CHRDL1: variants seen among roughly 807,000 people sequenced by gnomAD.
The protein encoded by CHRDL1 is chordin like 1.
A neutral mutation model predicts 40.9 loss-of-function variants in CHRDL1; 19 were observed. The observed-to-expected ratio is 0.46, with a 90% confidence interval of 0.32 to 0.68. The LOEUF (loss-of-function observed/expected upper bound fraction) is 0.68, where lower values mean the gene tolerates loss of function less well. CHRDL1 is among the 30% of genes least tolerant of loss of function. The pLI is 0.03. For missense variants in CHRDL1, 329 were observed against 352.1 expected (o/e 0.93, Z 0.53); for synonymous variants, 136 against 123.4 (o/e 1.10, Z -0.68).
chrX:110,686,767 C>T (rs1239259884), intron 9 of CHRDL1, among the ~76,000 whole-genome samples: 4 of 108,467 alleles, frequency 3.7e-5, no homozygotes, highest in East Asian at 2.9e-4. Context: ...GTCCCAGCTA[C>T]TCGGGAGGCT....
Position 110,721,524 on chromosome X carries a change from G to A in CHRDL1, c.308C>T (p.Ser103Phe). The change falls in exon 5 of 12, where the codon TCC (serine) becomes TTC (phenylalanine). Residue 103 changes from serine (S) to phenylalanine (F), a missense_variant. Physicochemically the swap from Ser to Phe is radical, Grantham distance 155 (BLOSUM62 -2). Coordinates refer to ENST00000372042, the MANE Select transcript of CHRDL1 (RefSeq NM_001143981.2). ...HLCCPRCPED[S>F]LPPVNNKVTS... The stretch of plus-strand genomic sequence containing the variant: ...CACCTTATTGTTCACTGGGGGTAAG[G>A]AGTCTTCTAGAACAGGGTGGAGAAA... The A allele has an allele frequency of 8.3e-7, 1 of 1,206,502 alleles. No individual in the cohort carries two copies. The highest frequency in any genetic ancestry group is 3.0e-5 in the East Asian group (1 of 33,831).
At chrX:110,755,189 C>T (rs1299192973) in intron 4 of CHRDL1, among the ~76,000 whole-genome samples, 5 of 111,071 alleles carry the variant, frequency 4.5e-5, no homozygotes, top group Admixed American at 1.9e-4. Context: ...CTTGACTTTT[C>T]CATTAAGAAT....
intron 4 of CHRDL1, among the ~76,000 whole-genome samples, chrX:110,753,912 G>A (rs766881423): frequency 3.8e-4 from 43 of 112,273 alleles, no homozygotes; most frequent in African/African-American, 1.3e-3. Flanking sequence ...TAACACAAGT[G>A]GTTCATATGT....
intron 7 of CHRDL1, among the ~76,000 whole-genome samples, chrX:110,697,847 CA>C (rs1343121443): frequency 3.1e-5 from 3 of 97,362 alleles, no homozygotes; most frequent in South Asian, 4.7e-4. Context: ...CACACACACA[CA>C]CACACACACA....
At chrX:110,730,457 A>G (rs752010885) in intron 4 of CHRDL1, among the ~76,000 whole-genome samples, 2 of 111,544 alleles carry the variant, frequency 1.8e-5, no homozygotes, top group East Asian at 5.6e-4. Context: ...CTTATTGAGC[A>G]CCCCAGACAG....
intron 2 of CHRDL1, among the ~76,000 whole-genome samples, chrX:110,788,864 A>G (rs1184169191): frequency 1.8e-5 from 2 of 111,871 alleles, no homozygotes; most frequent in Non-Finnish European, 3.8e-5. Context: ...CATACCATAC[A>G]GGAATATAAA....
At chrX:110,734,902 C>T (rs886887332) in intron 4 of CHRDL1, among the ~76,000 whole-genome samples, 2 of 111,792 alleles carry the variant, frequency 1.8e-5, no homozygotes, top group Admixed American at 9.5e-5. Context: ...TGATTCTTCA[C>T]GATGCCTCAT....
chrX:110,703,746 A>G (rs1487463168), intron 6 of CHRDL1, among the ~76,000 whole-genome samples: 5 of 112,209 alleles, frequency 4.5e-5, no homozygotes, highest in Non-Finnish European at 1.9e-5. Flanking sequence ...TTCCTGAAAG[A>G]ACCATTAAGT....
At chrX:110,714,534 C>T (rs2070805729) in intron 6 of CHRDL1, among the ~76,000 whole-genome samples, 1 of 111,407 alleles carries the variant, frequency 9.0e-6, no homozygotes, top group East Asian at 2.8e-4. Context: ...CCTTAAGGTT[C>T]CAGTGGCTGT....
intron 4 of CHRDL1, among the ~76,000 whole-genome samples, chrX:110,735,319 A>T (rs1446681385): frequency 8.9e-6 from 1 of 112,263 alleles, no homozygotes; most frequent in African/African-American, 3.2e-5. Flanking sequence ...GTCCCATAGT[A>T]AAGAAACCTG....
intron 6 of CHRDL1, among the ~76,000 whole-genome samples, chrX:110,706,450 A>G (rs2070641620): frequency 8.9e-6 from 1 of 112,061 alleles, no homozygotes; most frequent in Non-Finnish European, 1.9e-5. Flanking sequence ...ACTCTCTCTG[A>G]GTGGTACCCT....
At chrX:110,725,455 CT>C (rs72034764) in intron 4 of CHRDL1, among the ~76,000 whole-genome samples, 1,700 of 102,179 alleles carry the variant, frequency 0.017, 32 homozygotes, top group African/African-American at 0.053. Context: ...TGCCACAGGC[CT>C]TTTTTTTTTT....
At chrX:110,783,963 CA>C in intron 2 of CHRDL1, among the ~76,000 whole-genome samples, 1 of 111,734 alleles carries the variant, frequency 8.9e-6, no homozygotes, top group Non-Finnish European at 1.9e-5. Flanking sequence ...GTCAGTATTA[CA>C]ATAATATTTA....
rs565152584 is a variant in CHRDL1 at position 110,718,870 on chromosome X, T to C, written c.541+965A>G. Among the ~76,000 whole-genome samples the C allele has an allele frequency of 1.4e-4, 16 of 112,065 alleles. No homozygotes were observed. In the South Asian group the frequency reaches 5.6e-3, roughly 39 times the overall value. ...TATCTTGGCTGCTATGTATGCTATA[T>C]ATATTGTTGTGTAGGTTGTGTGCTG... On this transcript the variant is annotated intron_variant, in intron 6 of 11. Coordinates refer to ENST00000372042, the MANE Select transcript of CHRDL1 (RefSeq NM_001143981.2).
chrX:110,681,336 A>G, intron 10 of CHRDL1, 146 bp downstream of exon 10: 1 of 484,919 alleles, frequency 2.1e-6, no homozygotes. Flanking sequence ...CATAATGACA[A>G]TAGTGTTAGA....
chrX:110,702,600 G>A (rs1466949741), intron 6 of CHRDL1, among the ~76,000 whole-genome samples: 1 of 111,410 alleles, frequency 9.0e-6, no homozygotes, highest in Non-Finnish European at 1.9e-5. Context: ...TTCATTACCT[G>A]TGTTACTATA....
chrX:110,760,365 C>T (rs2089542162), intron 3 of CHRDL1, among the ~76,000 whole-genome samples: 1 of 112,375 alleles, frequency 8.9e-6, no homozygotes, highest in African/African-American at 3.2e-5. Context: ...CAAGACCCCT[C>T]GCTCTGACAG....
At position 110,739,714 on chromosome X, in the gene CHRDL1, C is replaced by T. The variant is rs538548491; in HGVS notation, c.302-18184G>A. Among the ~76,000 whole-genome samples, 49 of 112,329 alleles carry T rather than the reference C, an allele frequency of 4.4e-4. 1 individual carries two copies. In the South Asian group the frequency reaches 0.018, roughly 42 times the overall value. ...TTATTTTGTCTTTGCAGATATATTCCTTCTTCTAAAATCATGGGCCATATG... is the reference window on the plus strand; with the variant it reads ...TTATTTTGTCTTTGCAGATATATTCTTTCTTCTAAAATCATGGGCCATATG... On this transcript the variant is annotated intron_variant, in intron 4 of 11. Transcript: ENST00000372042.
intron 4 of CHRDL1, among the ~76,000 whole-genome samples, chrX:110,753,557 G>A (rs2089398517): frequency 9.0e-6 from 1 of 111,619 alleles, no homozygotes; most frequent in Non-Finnish European, 1.9e-5. Context: ...TTTATGTTAT[G>A]CATCTTTTAC....
Sources: allele counts gnomAD v4.1 joint callset (sites outside exome capture counted in the v4.1 genomes callset), GRCh38; gene constraint gnomAD v4.1.1; transcripts MANE v1.5; gene names NCBI Gene and HGNC (gene_info 2026-07-23, HGNC 2026-07-21).